The following NRP2 variants were observed in gnomAD, a reference collection of about 807,000 sequenced individuals.
The protein encoded by NRP2 is neuropilin 2.
NRP2 carries 52 observed loss-of-function variants against 110.4 expected under a neutral mutation model. The observed-to-expected ratio is 0.47, with a 90% CI of 0.38 to 0.59. The LOEUF (loss-of-function observed/expected upper bound fraction) is 0.59. NRP2 is among the 20% of genes least tolerant of loss of function. The pLI is 0.00. For missense variants in NRP2, 1,049 were observed against 1,203.0 expected (o/e 0.87, Z 1.89); for synonymous variants, 508 against 468.9 (o/e 1.08, Z -1.08).
chr2:205,684,606 T>A (rs951302480), intron 1 of NRP2, among the ~76,000 whole-genome samples: 6 of 152,148 alleles, frequency 3.9e-5, no homozygotes, highest in Non-Finnish European at 8.8e-5. Flanking sequence ...GGCATTTATT[T>A]GAGGGGGGAA....
At chr2:205,733,940 GC>G (rs1553584980) in intron 7 of NRP2, among the ~76,000 whole-genome samples, 2 of 152,034 alleles carry the variant, frequency 1.3e-5, no homozygotes, top group African/African-American at 2.4e-5. Flanking sequence ...AATCTAGCGG[GC>G]CCCGCAGGCC....
intron 2 of NRP2, among the ~76,000 whole-genome samples, chr2:205,708,932 G>T (rs530731319): frequency 6.6e-6 from 1 of 152,308 alleles, no homozygotes; most frequent in East Asian, 1.9e-4. Context: ...ACAGAGTTTG[G>T]TAACTGTTTG....
At chr2:205,764,273 A>G in intron 13 of NRP2, 2 of 335,098 alleles carry the variant, frequency 6.0e-6, no homozygotes, top group South Asian at 3.0e-5. Flanking sequence ...CACACAAGGA[A>G]AGAGGCCTGT....
chr2:205,789,512 C>G (rs79558497), intron 15 of NRP2, among the ~76,000 whole-genome samples: 3,361 of 152,318 alleles, frequency 0.022, 52 homozygotes, highest in Middle Eastern at 0.048. Context: ...TTCTGAGTCC[C>G]TGGTTCCTTT....
At chr2:205,727,268 A>C (rs960800619) in intron 6 of NRP2, among the ~76,000 whole-genome samples, 1 of 152,176 alleles carries the variant, frequency 6.6e-6, no homozygotes, top group African/African-American at 2.4e-5. Context: ...GCAATTTCCA[A>C]ATGGGTTTGG....
intron 15 of NRP2, among the ~76,000 whole-genome samples, chr2:205,790,229 G>A (rs1377269596): frequency 6.6e-6 from 1 of 152,168 alleles, no homozygotes; most frequent in Admixed American, 6.5e-5. Context: ...CAATTCTTAG[G>A]AAATCATCTC....
chr2:205,707,989 A>G (rs1238608801), intron 2 of NRP2, among the ~76,000 whole-genome samples: 2 of 152,200 alleles, frequency 1.3e-5, no homozygotes, highest in Non-Finnish European at 2.9e-5. Flanking sequence ...AGCATGATTG[A>G]TCCAGGCCAG....
Position 205,725,027 on chromosome 2 carries a change from AC to A in NRP2, c.821-883del, listed in dbSNP as rs1295784473. Among the ~76,000 whole-genome samples, 1 of 152,088 alleles carries A rather than the reference AC, an allele frequency of 6.6e-6. No individual in the cohort carries two copies. Among genetic ancestry groups the A allele is most frequent in the Non-Finnish European group, 1.5e-5 (1 of 68,018 alleles). The stretch of plus-strand genomic sequence containing the variant: ...GAAAGATTCAAGCTGTGGAAATCCT[AC>A]CCTGATTGCAGACAACTCACCATAT... On this transcript the variant is annotated intron_variant, in intron 5 of 16. Coordinates refer to ENST00000357785, the MANE Select transcript of NRP2 (RefSeq NM_003872.3). The surrounding 1 kb of genome is among the most constrained non-coding windows in gnomAD (Gnocchi z 4.1).
chr2:205,766,477 G>C (rs1488355719), intron 14 of NRP2, among the ~76,000 whole-genome samples: 1 of 152,140 alleles, frequency 6.6e-6, no homozygotes, highest in Non-Finnish European at 1.5e-5. Flanking sequence ...AGTAATCCAG[G>C]CTCTGAGAAA....
intron 2 of NRP2, among the ~76,000 whole-genome samples, chr2:205,702,813 GC>G (rs2056588922): frequency 6.6e-6 from 1 of 152,148 alleles, no homozygotes; most frequent in South Asian, 2.1e-4. Flanking sequence ...ATCTGCATGA[GC>G]CCCCTGAGTT....
At position 205,798,043 on chromosome 2, in the gene NRP2, A is replaced by G. The variant is rs989156691; in HGVS notation, c.*2985A>G. The G allele has an allele frequency of 1.1e-4, 17 of 152,654 alleles. No individual in the cohort carries two copies. The highest frequency in any genetic ancestry group is 1.6e-4 in the Non-Finnish European group (11 of 68,048). 9.5% of individuals were successfully genotyped at this position (152,654 alleles called of 1,614,324 possible). On this transcript the variant is annotated 3_prime_UTR_variant, in exon 17 of 17. Coordinates refer to ENST00000357785, the MANE Select transcript of NRP2 (RefSeq NM_003872.3). ...AGCTTTTACTGTGATTCTTCAATGTAAAAAATAAACAACAATGTCAAACTG... is the reference window on the plus strand; with the variant it reads ...AGCTTTTACTGTGATTCTTCAATGTGAAAAATAAACAACAATGTCAAACTG...
intron 2 of NRP2, among the ~76,000 whole-genome samples, chr2:205,703,773 G>A (rs2056612994): frequency 6.6e-6 from 1 of 152,156 alleles, no homozygotes; most frequent in Non-Finnish European, 1.5e-5. Context: ...CAAGAAGGAG[G>A]GAGGGTTTGA....
Position 205,749,801 on chromosome 2 carries a change from G to T in NRP2, c.1863G>T (p.Glu621Asp). 6.2e-7 allele frequency: 1 copy of T among 1,614,162 alleles called. No homozygotes were observed. The highest frequency in any genetic ancestry group is 8.5e-7 in the Non-Finnish European group (1 of 1,180,008). Reference protein sequence around the residue: ...EETTTPYPTEEEATECGENCS... With the variant: ...EETTTPYPTEDEATECGENCS... The stretch of plus-strand genomic sequence containing the variant: ...CAACCACCCCCTACCCCACCGAAGA[G>T]GAGGCCACAGAGTGTGGGGAGAACT... Residue 621 changes from glutamate to aspartate, a missense_variant, in exon 11 of 17, where the codon GAG becomes GAT. Physicochemically the swap from Glu to Asp is conservative, Grantham distance 45. Transcript: ENST00000357785.
intron 6 of NRP2, among the ~76,000 whole-genome samples, chr2:205,727,518 G>A (rs2057150450): frequency 6.6e-6 from 1 of 152,216 alleles, no homozygotes; most frequent in Non-Finnish European, 1.5e-5. Context: ...CAGGAGTAGA[G>A]TGGAGTAGAT....
At chr2:205,750,063 T>C (rs2057616515) in intron 11 of NRP2, among the ~76,000 whole-genome samples, 1 of 152,200 alleles carries the variant, frequency 6.6e-6, no homozygotes, top group Non-Finnish European at 1.5e-5. Context: ...CCTACTGGTG[T>C]GAACCCACTA....
chr2:205,705,245 C>T (rs941145930), intron 2 of NRP2, among the ~76,000 whole-genome samples: 5 of 151,096 alleles, frequency 3.3e-5, no homozygotes, highest in Non-Finnish European at 5.9e-5. Context: ...CTTCTGTAAT[C>T]GTCCTTCATT....
chr2:205,759,305 G>T (rs2057784740), intron 12 of NRP2, among the ~76,000 whole-genome samples: 2 of 152,212 alleles, frequency 1.3e-5, no homozygotes, highest in South Asian at 4.1e-4. Context: ...ATCAGGGGTA[G>T]AAGGAGGAAA....
At chr2:205,715,608 A>G (rs935680010) in intron 2 of NRP2, among the ~76,000 whole-genome samples, 1 of 152,190 alleles carries the variant, frequency 6.6e-6, no homozygotes, top group Non-Finnish European at 1.5e-5. Flanking sequence ...ACAATTAAAG[A>G]AGGGATGGCC....
In NRP2 at chr2:205,797,341, G is replaced by A. The variant is rs1258915230; in HGVS notation, c.*2283G>A. ...TGGTAAGTCCTAGGGATTTCCAGAA[G>A]TAGCCTGCAGAAGAAGGTAAGTTTG... On this transcript the variant is annotated 3_prime_UTR_variant, in exon 17 of 17. Transcript: ENST00000357785. 2 of 152,288 alleles carry A rather than the reference G, an allele frequency of 1.3e-5. No individual in the cohort carries two copies. The highest frequency in any genetic ancestry group is 6.5e-5 in the Admixed American group (1 of 15,282). The allele number at this position is 152,288 out of a possible 1,614,324, so 9.4% of individuals were successfully genotyped here.
Sources: gnomAD v4.1 joint callset for allele counts (sites outside exome capture counted in the v4.1 genomes callset) on GRCh38, gnomAD v4.1.1 for gene constraint, Gnocchi (gnomAD v3.1) non-coding constraint, MANE v1.5 for transcripts, NCBI Gene and HGNC (gene_info 2026-07-23, HGNC 2026-07-21) for gene names.